The following DAB1 variants were observed in gnomAD, a reference collection of about 807,000 sequenced individuals.
The protein encoded by DAB1 is DAB adaptor protein 1.
In DAB1, 15 loss-of-function variants were observed where a neutral mutation model predicts 64.6. The observed-to-expected ratio is 0.23, with a 90% CI of 0.16 to 0.36. The LOEUF is 0.36. DAB1 is among the 10% of genes least tolerant of loss of function. The pLI is 1.00. For synonymous variants in DAB1, 235 were observed against 251.9 expected (o/e 0.93, Z 0.64); for missense variants, 596 against 706.7 (o/e 0.84, Z 1.78).
intron 5 of DAB1, among the ~76,000 whole-genome samples, chr1:58,025,168 T>A (rs1364943116): frequency 6.6e-6 from 1 of 151,914 alleles, no homozygotes; most frequent in Middle Eastern, 3.2e-3. Flanking sequence ...GAACCCCTTA[T>A]ACATCTCTAG....
intron 7 of DAB1, among the ~76,000 whole-genome samples, chr1:57,435,879 T>C (rs1685675384): frequency 6.6e-6 from 1 of 151,838 alleles, no homozygotes; most frequent in Non-Finnish European, 1.5e-5. Flanking sequence ...TATTATGTGC[T>C]ATACATAAGT....
chr1:57,564,773 G>C (rs1645097071), intron 7 of DAB1, among the ~76,000 whole-genome samples: 1 of 152,206 alleles, frequency 6.6e-6, no homozygotes, highest in Admixed American at 6.5e-5. Flanking sequence ...ATGGGACTAT[G>C]TGTAAAGACC....
chr1:58,361,374 C>A (rs1213659), intron 3 of DAB1, among the ~76,000 whole-genome samples: 140,133 of 152,348 alleles, frequency 0.92, 64,620 homozygotes, highest in East Asian at 1. Flanking sequence ...CACTAAGGAC[C>A]GGCTTTCATT....
chr1:57,337,863 C>A (rs1036503800), intron 1 of DAB1, among the ~76,000 whole-genome samples: 1 of 138,742 alleles, frequency 7.2e-6, no homozygotes, highest in African/African-American at 2.7e-5. Context: ...TTCCCTTTCC[C>A]TTCCCTCCCC....
At chr1:58,157,366 C>A (rs1290706391) in intron 4 of DAB1, among the ~76,000 whole-genome samples, 1 of 152,166 alleles carries the variant, frequency 6.6e-6, no homozygotes, top group African/African-American at 2.4e-5. Flanking sequence ...GGGCACCAGC[C>A]TGTGTGATAA....
intron 6 of DAB1, among the ~76,000 whole-genome samples, chr1:57,807,652 TG>T (rs2101880200): frequency 6.6e-6 from 1 of 152,302 alleles, no homozygotes; most frequent in South Asian, 2.1e-4. Context: ...TCAAATTGTG[TG>T]GATCCACTTA....
intron 5 of DAB1, among the ~76,000 whole-genome samples, chr1:57,921,824 C>T (rs981589258): frequency 6.6e-6 from 1 of 152,130 alleles, no homozygotes; most frequent in Non-Finnish European, 1.5e-5. Context: ...AAACAAAATT[C>T]CCACCATGGC....
Position 57,516,960 on chromosome 1 carries a change from T to C in DAB1, n.625+132632A>G, listed in dbSNP as rs746420539. Among the ~76,000 whole-genome samples the C allele has an allele frequency of 6.4e-4, 98 of 152,312 alleles. 1 individual carries two copies. Among genetic ancestry groups the C allele is most frequent in the South Asian group, 3.3e-3 (16 of 4,824 alleles). The stretch of plus-strand genomic sequence containing the variant: ...GCAAGATAAATGAGAAATAGGTTCT[T>C]GCTCAAAAAGTTCAGAGTGTTAGTC... On this transcript the variant is annotated intron_variant and non_coding_transcript_variant, in intron 7 of 20. Transcript: ENST00000485760.
At chr1:58,386,717 C>T (rs1195140254) in intron 3 of DAB1, among the ~76,000 whole-genome samples, 1 of 152,178 alleles carries the variant, frequency 6.6e-6, no homozygotes, top group African/African-American at 2.4e-5. Context: ...CCATACCCTA[C>T]CTCTTTTAGA....
intron 5 of DAB1, among the ~76,000 whole-genome samples, chr1:58,102,385 G>C (rs1180963098): frequency 6.6e-6 from 1 of 152,192 alleles, no homozygotes; most frequent in Non-Finnish European, 1.5e-5. Context: ...TAGTTCTCTA[G>C]AGGGGAAGCA....
intron 5 of DAB1, among the ~76,000 whole-genome samples, chr1:57,907,944 C>T (rs536533855): frequency 1.4e-5 from 2 of 143,920 alleles, no homozygotes; most frequent in Admixed American, 6.9e-5. Flanking sequence ...CACACACACA[C>T]ATATATATTT....
intron 6 of DAB1, among the ~76,000 whole-genome samples, chr1:57,761,145 G>A (rs1649068650): frequency 1.3e-5 from 2 of 152,134 alleles, no homozygotes; most frequent in African/African-American, 4.8e-5. Context: ...ATAAAGTGAT[G>A]ATAATTCACT....
At chr1:57,622,661 G>A (rs921486909) in intron 7 of DAB1, among the ~76,000 whole-genome samples, 2 of 152,196 alleles carry the variant, frequency 1.3e-5, no homozygotes, top group Non-Finnish European at 2.9e-5. Context: ...TGGTATGGTA[G>A]ATTCTAGACT....
At chr1:57,110,887 A>C (rs1313365282) in intron 4 of DAB1, among the ~76,000 whole-genome samples, 2 of 152,126 alleles carry the variant, frequency 1.3e-5, no homozygotes, top group African/African-American at 4.8e-5. Context: ...CACATCAGAA[A>C]GTTAAGACTC....
chr1:57,192,336 A>T (rs1162879052), intron 2 of DAB1, among the ~76,000 whole-genome samples: 1 of 152,010 alleles, frequency 6.6e-6, no homozygotes, highest in Non-Finnish European at 1.5e-5. Flanking sequence ...CGGAAAAAAA[A>T]AAAAAAAGAG....
chr1:58,339,741 TG>T (rs1350825948), intron 4 of DAB1, among the ~76,000 whole-genome samples: 1 of 152,252 alleles, frequency 6.6e-6, no homozygotes, highest in Admixed American at 6.5e-5. Context: ...ATTCTTAGCA[TG>T]TCCCTATTCT....
intron 4 of DAB1, among the ~76,000 whole-genome samples, chr1:57,095,671 C>A (rs1887254): frequency 0.028 from 4,304 of 152,112 alleles, 131 homozygotes; most frequent in African/African-American, 0.073. Flanking sequence ...TGGGTGGGAA[C>A]CAGCTTGAAT....
intron 7 of DAB1, among the ~76,000 whole-genome samples, chr1:57,559,287 T>C (rs1645024723): frequency 6.6e-6 from 1 of 152,192 alleles, no homozygotes; most frequent in African/African-American, 2.4e-5. Context: ...ATCGTTTGAA[T>C]GATAAAAACA....
intron 7 of DAB1, among the ~76,000 whole-genome samples, chr1:57,517,216 C>T (rs578108523): frequency 2.0e-5 from 3 of 152,058 alleles, no homozygotes; most frequent in African/African-American, 7.2e-5. Context: ...GGCTGGAGTA[C>T]AGTGGTGCAA....
Sources: gnomAD v4.1 joint callset for allele counts (sites outside exome capture counted in the v4.1 genomes callset) on GRCh38, gnomAD v4.1.1 for gene constraint, MANE v1.5 for transcripts, NCBI Gene and HGNC (gene_info 2026-07-23, HGNC 2026-07-21) for gene names.